The following CDH20 variants were observed in gnomAD, a reference collection of about 807,000 sequenced individuals.
The protein encoded by CDH20 is cadherin 20, also known as cadherin-20.
In CDH20, 29 loss-of-function variants were observed where a neutral mutation model predicts 74.2. That is an observed-to-expected ratio of 0.39 (90% CI 0.29 to 0.53). CDH20 has a LOEUF of 0.53. Among genes scored for constraint, CDH20 ranks in the 20% least tolerant of loss-of-function variants. The probability of loss-of-function intolerance (pLI) is 0.69; values close to 1 mark genes in which losing one functional copy is unlikely to be tolerated. For synonymous variants in CDH20, 469 were observed against 405.4 expected, an observed-to-expected ratio of 1.16 and a Z score of -1.88; for missense variants, 988 against 1,048.3, an observed-to-expected ratio of 0.94 and a Z score of 0.79.
chr18:61,433,035 G>T (rs558880557), intron 1 of CDH20, among the ~76,000 whole-genome samples: 23 of 152,248 alleles, frequency 1.5e-4, no homozygotes, highest in Non-Finnish European at 3.1e-4. Flanking sequence ...TAACTACATG[G>T]AGAGCACTGT....
chr18:61,468,622 A>G (rs752581632), intron 1 of CDH20, among the ~76,000 whole-genome samples: 6 of 152,172 alleles, frequency 3.9e-5, no homozygotes, highest in Non-Finnish European at 7.3e-5. Context: ...AAGTCACTAC[A>G]GTGCAACTGG....
intron 11 of CDH20, among the ~76,000 whole-genome samples, chr18:61,551,752 T>C (rs1165963914): frequency 6.6e-6 from 1 of 152,168 alleles, no homozygotes; most frequent in Non-Finnish European, 1.5e-5. Flanking sequence ...TAAGAGGCCT[T>C]TGAAGAAACT....
chr18:61,349,275 G>C (rs1910227435), intron 1 of CDH20, among the ~76,000 whole-genome samples: 1 of 152,198 alleles, frequency 6.6e-6, no homozygotes, highest in South Asian at 2.1e-4. Flanking sequence ...ATGAACAGGT[G>C]AATTTAAGCC....
At chr18:61,419,294 T>G (rs1196118995) in intron 1 of CDH20, among the ~76,000 whole-genome samples, 5 of 152,180 alleles carry the variant, frequency 3.3e-5, no homozygotes, top group Non-Finnish European at 7.4e-5. Context: ...CTTAAACTCT[T>G]GGCCTCAAGC....
In CDH20 at chr18:61,459,652, C is replaced by G. The variant is rs142279334; in HGVS notation, c.-152-30750C>G. On this transcript the variant is annotated intron_variant, in intron 1 of 11. Coordinates refer to ENST00000262717, the MANE Select transcript of CDH20 (RefSeq NM_031891.4). ...GGAGCTTTTCAGAAATGCAAAAGCTCAGGCCCCACCCCGGGGTGACCTCAG... is the reference window on the plus strand; with the variant it reads ...GGAGCTTTTCAGAAATGCAAAAGCTGAGGCCCCACCCCGGGGTGACCTCAG... 1.4e-3 allele frequency among the ~76,000 whole-genome samples: 213 copies of G among 152,256 alleles called. 13 individuals are homozygous for G. The highest frequency in any genetic ancestry group is 1.1e-3 in the Non-Finnish European group (78 of 68,016).
intron 7 of CDH20, among the ~76,000 whole-genome samples, chr18:61,533,761 C>T (rs1193880608): frequency 6.6e-6 from 1 of 152,156 alleles, no homozygotes; most frequent in African/African-American, 2.4e-5. Context: ...CAGGTCTTAA[C>T]ATTTAAGTCT....
intron 1 of CDH20, among the ~76,000 whole-genome samples, chr18:61,447,495 G>A (rs1403137744): frequency 5.9e-5 from 9 of 152,174 alleles, no homozygotes; most frequent in East Asian, 1.9e-4. Flanking sequence ...GATTGGCGAC[G>A]AGCAGCCAGG....
chr18:61,339,771 T>C (rs534994936), intron 1 of CDH20, among the ~76,000 whole-genome samples: 264 of 140,490 alleles, frequency 1.9e-3, no homozygotes, highest in African/African-American at 6.5e-3. Context: ...CACTGCAAGC[T>C]CCGCCTCCTG....
At chr18:61,383,076 A>G (rs1038413110) in intron 1 of CDH20, among the ~76,000 whole-genome samples, 2 of 152,198 alleles carry the variant, frequency 1.3e-5, no homozygotes, top group Non-Finnish European at 2.9e-5. Context: ...TTAAGTAAAC[A>G]TAGAAGTAAA....
At chr18:61,514,854 C>T (rs1159202716) in intron 6 of CDH20, among the ~76,000 whole-genome samples, 93 of 151,930 alleles carry the variant, frequency 6.1e-4, no homozygotes, top group Non-Finnish European at 8.2e-4. Flanking sequence ...GCAGTCTGCC[C>T]ATTCTCAGAT....
chr18:61,362,710 A>ACTAGTAC, intron 1 of CDH20, among the ~76,000 whole-genome samples: 1 of 152,082 alleles, frequency 6.6e-6, no homozygotes, highest in South Asian at 2.1e-4. Context: ...CTATGACTAC[A>ACTAGTAC]TAGACTTACT....
chr18:61,543,760 G>A (rs370761878), intron 9 of CDH20, among the ~76,000 whole-genome samples: 91 of 152,298 alleles, frequency 6.0e-4, no homozygotes, highest in African/African-American at 2.1e-3. Context: ...TCTGTTTTCT[G>A]TTAACCTGAC....
Position 61,554,506 on chromosome 18 carries a change from AC to A in CDH20, c.2219del (p.Pro740ArgfsTer21). 6.2e-7 allele frequency: 1 copy of A among 1,612,682 alleles called. No individual in the cohort carries two copies. The highest frequency in any genetic ancestry group is 8.5e-7 in the Non-Finnish European group (1 of 1,179,760). Reference protein sequence around the residue: ...LYEADMDLWAPPFDSLQTYMF... With the variant: ...LYEADMDLWAXPFDSLQTYMF... ...ACGAGGCCGACATGGACCTGTGGGC[AC>A]CGCCCTTCGACTCCCTCCAGACGTA... On this transcript the variant is annotated frameshift_variant, in exon 12 of 12. Transcript: ENST00000262717. LOFTEE classifies it high-confidence loss of function.
intron 1 of CDH20, among the ~76,000 whole-genome samples, chr18:61,452,960 A>G (rs766877650): frequency 1.2e-4 from 18 of 152,334 alleles, no homozygotes; most frequent in Non-Finnish European, 1.0e-4. Flanking sequence ...TGAGGAAATT[A>G]TAAGTTCACA....
At chr18:61,413,367 A>T (rs1486345342) in intron 1 of CDH20, among the ~76,000 whole-genome samples, 1 of 152,162 alleles carries the variant, frequency 6.6e-6, no homozygotes, top group Admixed American at 6.5e-5. Flanking sequence ...TTTATTTTTT[A>T]ACCAAAGGAT....
At position 61,405,021 on chromosome 18, in the gene CDH20, T is replaced by A. The variant is rs149413880; in HGVS notation, c.-153+71194T>A. The A allele has an allele frequency of 7.0e-5, 49 of 700,762 alleles. 1 individual carries two copies. The East Asian group carries it at 1.3e-3, about 19-fold the overall frequency. The allele number at this position is 700,762 out of a possible 1,614,324, so 43.4% of individuals were successfully genotyped here. A position where few individuals can be genotyped will look rare whatever the true frequency, so the allele number is the denominator to read the frequency against. On this transcript the variant is annotated intron_variant, in intron 1 of 11. Transcript: ENST00000262717. The stretch of plus-strand genomic sequence containing the variant: ...ACCAGTTTTGACCAACATTGCATAG[T>A]ACTCCATTTCTGATTTCTTCAAAGT...
intron 1 of CDH20, among the ~76,000 whole-genome samples, chr18:61,449,990 T>C (rs1177633558): frequency 6.6e-6 from 1 of 152,084 alleles, no homozygotes; most frequent in Non-Finnish European, 1.5e-5. Flanking sequence ...CTTGTATTTG[T>C]TGAATACTTA....
intron 6 of CDH20, among the ~76,000 whole-genome samples, chr18:61,514,784 T>TG (rs942925465): frequency 6.0e-4 from 91 of 152,194 alleles, no homozygotes; most frequent in Middle Eastern, 3.4e-3. Context: ...GTGCCTCTGC[T>TG]GGGGGGTGCC....
intron 1 of CDH20, among the ~76,000 whole-genome samples, chr18:61,377,779 C>A (rs1172235567): frequency 1.3e-5 from 2 of 151,876 alleles, no homozygotes; most frequent in Non-Finnish European, 2.9e-5. Context: ...ACATTGTGGG[C>A]CTACATCTTG....
Sources: allele counts gnomAD v4.1 joint callset (sites outside exome capture counted in the v4.1 genomes callset), GRCh38; gene constraint gnomAD v4.1.1; transcripts MANE v1.5; gene names NCBI Gene and HGNC (gene_info 2026-07-23, HGNC 2026-07-21).